The following GLB1L2 variants were observed in gnomAD, a reference collection of about 807,000 sequenced individuals.
The protein encoded by GLB1L2 is beta-galactosidase-1-like protein 2.
GLB1L2 carries 68 observed loss-of-function variants against 84.1 expected under a neutral mutation model. The observed-to-expected ratio is 0.81, with a 90% confidence interval of 0.67 to 0.99. The LOEUF (loss-of-function observed/expected upper bound fraction) is 0.99, where lower values mean the gene tolerates loss of function less well. Ranked by LOEUF, GLB1L2 falls within the 50% of genes least tolerant of loss-of-function variation. The pLI is 0.00. For missense variants in GLB1L2, 762 were observed against 805.6 expected (o/e 0.95, Z 0.66); for synonymous variants, 290 against 318.0 (o/e 0.91, Z 0.94).
intron 5 of GLB1L2, 116 bp downstream of exon 5, chr11:134,347,549 C>T (rs1591614121): frequency 5.5e-6 from 4 of 732,742 alleles, no homozygotes; most frequent in African/African-American, 1.7e-5. Context: ...CGAGCAGGCT[C>T]TTCCTCACCG....
chr11:134,368,389 A>T (rs1207285735), intron 9 of GLB1L2, among the ~76,000 whole-genome samples: 1 of 152,190 alleles, frequency 6.6e-6, no homozygotes, highest in Non-Finnish European at 1.5e-5. Context: ...GGTGGTCCAC[A>T]TGGAGCTCAG....
chr11:134,374,303 C>T, intron 17 of GLB1L2, 47 bp downstream of exon 17: 2 of 1,410,722 alleles, frequency 1.4e-6, no homozygotes, highest in Non-Finnish European at 1.0e-6. Flanking sequence ...CTGCCTCCCG[C>T]CTTGGAGGGC....
At chr11:134,374,050 A>T in intron 16 of GLB1L2, 95 bp from the exon 17 acceptor site, 1 of 926,520 alleles carries the variant, frequency 1.1e-6, no homozygotes, top group Non-Finnish European at 1.8e-6. Flanking sequence ...GGGGCCTTGG[A>T]TGGGGAAACG....
At chr11:134,361,991 C>T (rs1192867033) in intron 7 of GLB1L2, among the ~76,000 whole-genome samples, 2 of 152,204 alleles carry the variant, frequency 1.3e-5, no homozygotes, top group African/African-American at 2.4e-5. Context: ...GGCCCAGTTA[C>T]GCTCACCATG....
intron 13 of GLB1L2, 67 bp downstream of exon 13, chr11:134,371,215 C>A: frequency 1.3e-6 from 2 of 1,570,006 alleles, no homozygotes; most frequent in Non-Finnish European, 8.7e-7. Flanking sequence ...CGTCTCATGC[C>A]CTCCCCTCAG....
chr11:134,332,483 C>T (rs1943315561), intron 1 of GLB1L2, among the ~76,000 whole-genome samples: 2 of 152,122 alleles, frequency 1.3e-5, no homozygotes, highest in Admixed American at 6.5e-5. Context: ...TCAGACGCAC[C>T]CCATCGCGGC....
intron 7 of GLB1L2, among the ~76,000 whole-genome samples, chr11:134,363,453 C>G (rs1219481171): frequency 6.6e-6 from 1 of 152,204 alleles, no homozygotes; most frequent in Non-Finnish European, 1.5e-5. Context: ...AGGCAGATAG[C>G]AGGCAGGTGA....
At position 134,370,078 on chromosome 11, in the gene GLB1L2, T is replaced by A. The variant is rs1297226333; in HGVS notation, c.1108+193T>A. On this transcript the variant is annotated intron_variant, in intron 11 of 18. Transcript: ENST00000535456. This position sits in a 1 kb window ranked among gnomAD's most constrained non-coding sequence, Gnocchi z 4.7. ...CTTCACCTGTTACAGGTGTTAACGC[T>A]CCTTATCTCCTGTGGAGGACGGGAG... is the stretch of plus-strand genomic sequence containing the variant. Among the ~76,000 whole-genome samples, 2 of 152,102 alleles carry A rather than the reference T, an allele frequency of 1.3e-5. No individual in the cohort carries two copies. Among genetic ancestry groups the A allele is most frequent in the Non-Finnish European group, 2.9e-5 (2 of 68,022 alleles).
intron 15 of GLB1L2, among the ~76,000 whole-genome samples, chr11:134,373,005 T>C (rs1943977357): frequency 6.6e-6 from 1 of 152,126 alleles, no homozygotes; most frequent in Non-Finnish European, 1.5e-5. Flanking sequence ...CACTGTGGAG[T>C]CCTGTCCTCT....
Position 134,339,142 on chromosome 11 carries a change from C to T in GLB1L2, c.87-3612C>T, listed in dbSNP as rs901570172. Among the ~76,000 whole-genome samples, 3 of 152,286 alleles carry T rather than the reference C, an allele frequency of 2.0e-5. No individual in the cohort carries two copies. Among genetic ancestry groups the T allele is most frequent in the Admixed American group, 1.3e-4 (2 of 15,302 alleles). ...CTCCCCAAGAAAAGTGACAGAAACA[C>T]GCTGGGCTTCCTTAGGATTTGGTTA... is the stretch of plus-strand genomic sequence containing the variant. On this transcript the variant is annotated intron_variant, in intron 1 of 18. Transcript: ENST00000535456. This position sits in a 1 kb window ranked among gnomAD's most constrained non-coding sequence, Gnocchi z 5.7.
chr11:134,343,327 T>C (rs1184670301), intron 2 of GLB1L2, among the ~76,000 whole-genome samples: 1 of 152,150 alleles, frequency 6.6e-6, no homozygotes, highest in Non-Finnish European at 1.5e-5. Context: ...TGGCCCCAGT[T>C]TTCAGCACTC....
intron 16 of GLB1L2, 146 bp from the exon 17 acceptor site, chr11:134,373,999 A>T: frequency 1.4e-6 from 1 of 735,402 alleles, no homozygotes. Context: ...AATTCCCAGC[A>T]TCCTACCGTG....
intron 2 of GLB1L2, among the ~76,000 whole-genome samples, chr11:134,343,334 AC>A: frequency 6.6e-6 from 1 of 151,766 alleles, no homozygotes; most frequent in South Asian, 2.1e-4. Flanking sequence ...AGTTTTCAGC[AC>A]TCCTCTTGGG....
intron 1 of GLB1L2, among the ~76,000 whole-genome samples, chr11:134,335,797 C>T (rs986446226): frequency 1.4e-4 from 21 of 152,138 alleles, no homozygotes; most frequent in Admixed American, 1.2e-3. Flanking sequence ...TCATGTCAGA[C>T]GCTCTTCTGG....
At chr11:134,369,990 C>A (rs751685145) in intron 11 of GLB1L2, 105 bp downstream of exon 11, 4 of 937,118 alleles carry the variant, frequency 4.3e-6, no homozygotes, top group Non-Finnish European at 6.7e-6. Context: ...CCCAGTTGAT[C>A]TGCGTGCAAG....
At chr11:134,361,917 C>T (rs955344763) in intron 7 of GLB1L2, among the ~76,000 whole-genome samples, 9 of 152,184 alleles carry the variant, frequency 5.9e-5, no homozygotes, top group Admixed American at 2.6e-4. Flanking sequence ...TTCCTCCTCG[C>T]CCCCGGCCAA....
intron 1 of GLB1L2, among the ~76,000 whole-genome samples, chr11:134,336,951 G>C (rs1037165069): frequency 5.3e-5 from 8 of 152,134 alleles, no homozygotes; most frequent in African/African-American, 1.9e-4. Flanking sequence ...TACTGCAAAA[G>C]TACAGAGTAA....
chr11:134,368,910 G>T, intron 10 of GLB1L2, 129 bp downstream of exon 10: 2 of 945,198 alleles, frequency 2.1e-6, no homozygotes, highest in Non-Finnish European at 3.2e-6. Context: ...CCTGGAGAAG[G>T]TACTTGCCTG....
intron 5 of GLB1L2, among the ~76,000 whole-genome samples, chr11:134,354,944 C>T (rs889953993): frequency 9.9e-5 from 15 of 152,124 alleles, no homozygotes; most frequent in African/African-American, 3.6e-4. Flanking sequence ...CCTTTTATCT[C>T]TCTTTTTCTT....
Sources: allele counts gnomAD v4.1 joint callset (sites outside exome capture counted in the v4.1 genomes callset), GRCh38; gene constraint gnomAD v4.1.1; non-coding constraint Gnocchi (gnomAD v3.1); transcripts MANE v1.5; gene names NCBI Gene and HGNC (gene_info 2026-07-23, HGNC 2026-07-21).